The following ADGRB3 variants were observed in gnomAD, a reference collection of about 807,000 sequenced individuals.
ADGRB3 encodes brain-specific angiogenesis inhibitor 3.
A neutral mutation model predicts 193.4 loss-of-function variants in ADGRB3; 37 were observed. That is an observed-to-expected ratio of 0.19 (90% CI 0.15 to 0.25). ADGRB3 has a LOEUF of 0.25. ADGRB3 is among the 10% of genes least tolerant of loss of function. The probability of loss-of-function intolerance (pLI) is 1.00; values close to 1 mark genes in which losing one functional copy is unlikely to be tolerated. For synonymous variants in ADGRB3, 690 were observed against 644.2 expected, an observed-to-expected ratio of 1.07 and a Z score of -1.08; for missense variants, 1,637 against 1,852.9, an observed-to-expected ratio of 0.88 and a Z score of 2.14.
chr6:68,702,077 T>C (rs1765251076), intron 3 of ADGRB3, among the ~76,000 whole-genome samples: 1 of 152,030 alleles, frequency 6.6e-6, no homozygotes, highest in Admixed American at 6.6e-5. Flanking sequence ...GAGGAGTAAG[T>C]GACTCTTGGA....
intron 3 of ADGRB3, among the ~76,000 whole-genome samples, chr6:68,651,087 T>G (rs1401148272): frequency 6.6e-6 from 1 of 152,238 alleles, no homozygotes; most frequent in Non-Finnish European, 1.5e-5. Context: ...GATCTGCCTC[T>G]GCACTGTAGA....
intron 6 of ADGRB3, among the ~76,000 whole-genome samples, chr6:68,955,587 T>A (rs888846615): frequency 6.6e-6 from 1 of 152,144 alleles, no homozygotes; most frequent in Non-Finnish European, 1.5e-5. Context: ...GTTAGGAGTT[T>A]GAGACCAGCC....
chr6:68,792,798 G>T (rs962327196), intron 3 of ADGRB3, among the ~76,000 whole-genome samples: 2 of 152,052 alleles, frequency 1.3e-5, no homozygotes, highest in Non-Finnish European at 2.9e-5. Context: ...CAGCCTTCCC[G>T]CCGATGTCCC....
chr6:68,936,698 T>C lies in ADGRB3; in HGVS notation c.1030+18T>C. The C allele has an allele frequency of 6.2e-7, 1 of 1,603,748 alleles. No individual in the cohort carries two copies. Among genetic ancestry groups the C allele is most frequent in the South Asian group, 1.1e-5 (1 of 89,930 alleles). Reference sequence around the variant, plus strand: ...CTGTCCAGGTAGTGTTAGCAGCAACTACAACTGTGGATGTTATTGAATTGT... The same window carrying C: ...CTGTCCAGGTAGTGTTAGCAGCAACCACAACTGTGGATGTTATTGAATTGT... On this transcript the variant is annotated intron_variant, in intron 5 of 31. Coordinates refer to ENST00000370598, the MANE Select transcript of ADGRB3 (RefSeq NM_001704.3).
intron 3 of ADGRB3, among the ~76,000 whole-genome samples, chr6:68,654,497 C>CT (rs1768445381): frequency 6.6e-6 from 1 of 151,110 alleles, no homozygotes; most frequent in African/African-American, 2.4e-5. Flanking sequence ...ACACTTTCTG[C>CT]TTTTTTTTTC....
chr6:68,786,901 A>C (rs938802157), intron 3 of ADGRB3, among the ~76,000 whole-genome samples: 1 of 151,794 alleles, frequency 6.6e-6, no homozygotes, highest in African/African-American at 2.4e-5. Context: ...TAGGTATTTT[A>C]TTCTCTTTGA....
rs1228839676 is a variant in ADGRB3, at chr6:69,161,975, A to G, written c.2481-71315A>G. On this transcript the variant is annotated intron_variant, in intron 17 of 31. Transcript: ENST00000370598. ...AGCTTAATCTTGGAAGTTACGTCCT[A>G]TTATATCTGTCACATTCTATTTGGC... Among the ~76,000 whole-genome samples, 4 of 152,224 alleles carry G rather than the reference A, an allele frequency of 2.6e-5. No homozygotes were observed. In the South Asian group the frequency reaches 6.2e-4, roughly 24 times the overall value.
At chr6:68,669,768 A>G (rs1398710980) in intron 3 of ADGRB3, among the ~76,000 whole-genome samples, 1 of 151,862 alleles carries the variant, frequency 6.6e-6, no homozygotes, top group Non-Finnish European at 1.5e-5. Flanking sequence ...TCTTCGATGT[A>G]TTGATTTCCT....
chr6:69,154,168 T>C (rs1774765517), intron 17 of ADGRB3, among the ~76,000 whole-genome samples: 4 of 152,098 alleles, frequency 2.6e-5, no homozygotes, highest in South Asian at 2.1e-4. Context: ...TTTCAGCTTA[T>C]ATATTGTCTC....
intron 3 of ADGRB3, among the ~76,000 whole-genome samples, chr6:68,661,529 ATGTG>A (rs1269931376): frequency 5.5e-5 from 2 of 36,248 alleles, no homozygotes; most frequent in East Asian, 1.4e-3. Flanking sequence ...ACATATATAT[ATGTG>A]TATACATATA....
intron 20 of ADGRB3, among the ~76,000 whole-genome samples, chr6:69,257,003 A>G (rs1336454047): frequency 6.6e-6 from 1 of 152,090 alleles, no homozygotes; most frequent in Non-Finnish European, 1.5e-5. Flanking sequence ...GCTGGATTAC[A>G]TTTATTGATT....
chr6:68,902,077 C>G (rs1486238178), intron 3 of ADGRB3, among the ~76,000 whole-genome samples: 1 of 151,970 alleles, frequency 6.6e-6, no homozygotes, highest in Admixed American at 6.6e-5. Context: ...TCACTAGTGG[C>G]ATTAGGTTTT....
intron 3 of ADGRB3, among the ~76,000 whole-genome samples, chr6:68,755,332 G>A (rs1029190084): frequency 1.3e-5 from 2 of 152,168 alleles, no homozygotes; most frequent in Non-Finnish European, 2.9e-5. Context: ...GAGGAGGTTG[G>A]AGGGGAGGTC....
chr6:69,363,547 G>A (rs534685677), intron 29 of ADGRB3, among the ~76,000 whole-genome samples: 82 of 152,108 alleles, frequency 5.4e-4, no homozygotes, highest in African/African-American at 1.9e-3. Context: ...TAGAGCAAGT[G>A]CATAGCAAAT....
rs1765787507 is a variant in ADGRB3 at position 68,883,311 on chromosome 6, T to C, written c.758-47248T>C. ...GTAAAATGGACCAATCAGCTCTCTG[T>C]AAAATGGACCAACCAGCTCTCTGTA... On this transcript the variant is annotated intron_variant, in intron 3 of 31. Coordinates refer to ENST00000370598, the MANE Select transcript of ADGRB3 (RefSeq NM_001704.3). 2.0e-5 allele frequency among the ~76,000 whole-genome samples: 3 copies of C among 151,436 alleles called. No individual in the cohort carries two copies. The South Asian group carries it at 6.2e-4, about 31-fold the overall frequency.
At chr6:68,650,864 T>C (rs1768349275) in intron 3 of ADGRB3, among the ~76,000 whole-genome samples, 1 of 152,174 alleles carries the variant, frequency 6.6e-6, no homozygotes, top group Admixed American at 6.5e-5. Context: ...ATTAAAAGGC[T>C]GACTTTTCTT....
At chr6:69,036,029 G>A (rs1312517282) in intron 13 of ADGRB3, among the ~76,000 whole-genome samples, 1 of 152,128 alleles carries the variant, frequency 6.6e-6, no homozygotes, top group Non-Finnish European at 1.5e-5. Context: ...CAAGTAGACA[G>A]TTTAGTATTA....
At chr6:69,233,232 G>C in intron 17 of ADGRB3, 58 bp from the exon 18 acceptor site, 1 of 1,586,476 alleles carries the variant, frequency 6.3e-7, no homozygotes, top group Non-Finnish European at 8.6e-7. Context: ...TCTTCTTTAC[G>C]GATTTGGCTA....
intron 13 of ADGRB3, among the ~76,000 whole-genome samples, chr6:69,038,432 G>A (rs1300915366): frequency 3.3e-5 from 4 of 122,802 alleles, no homozygotes; most frequent in Admixed American, 2.9e-4. Context: ...TCTTTCCTCT[G>A]CAGGAATGCT....
Sources: allele counts gnomAD v4.1 joint callset (sites outside exome capture counted in the v4.1 genomes callset), GRCh38; gene constraint gnomAD v4.1.1; transcripts MANE v1.5; gene names NCBI Gene and HGNC (gene_info 2026-07-23, HGNC 2026-07-21).